The following DENND1A variants were observed in gnomAD, a reference collection of about 807,000 sequenced individuals.
DENND1A encodes DENN domain containing 1A.
A neutral mutation model predicts 113.7 loss-of-function variants in DENND1A; 51 were observed. The ratio of observed to expected loss-of-function variants is 0.45; its 90% CI spans 0.36 to 0.57. The LOEUF (loss-of-function observed/expected upper bound fraction) is 0.57. Ranked by LOEUF, DENND1A falls within the 20% of genes least tolerant of loss-of-function variation. DENND1A has a pLI of 0.00. For missense variants in DENND1A, 1,258 were observed against 1,395.9 expected, an observed-to-expected ratio of 0.90 and a Z score of 1.57; for synonymous variants, 565 against 570.8, an observed-to-expected ratio of 0.99 and a Z score of 0.14.
chr9:123,397,180 A>G (rs1480514969), intron 21 of DENND1A, among the ~76,000 whole-genome samples: 1 of 151,818 alleles, frequency 6.6e-6, no homozygotes, highest in Non-Finnish European at 1.5e-5. Context: ...TTTTTTTTAG[A>G]GTCTCACTCT....
rs569643438 is a variant in DENND1A, at chr9:123,590,515, G to A, written c.766-7245C>T. 5.3e-5 allele frequency among the ~76,000 whole-genome samples: 8 copies of A among 152,234 alleles called. No homozygotes were observed. The South Asian group carries it at 6.2e-4, about 12-fold the overall frequency. On this transcript the variant is annotated intron_variant, in intron 11 of 23. Transcript: ENST00000394215. ...CCTTGATAAATGGGGGATGATAACCGTACCTACCTCACAGATTTGTGAGGA... is the reference window on the plus strand; with the variant it reads ...CCTTGATAAATGGGGGATGATAACCATACCTACCTCACAGATTTGTGAGGA...
At chr9:123,414,236 C>G in intron 19 of DENND1A, 1 of 1,228,172 alleles carries the variant, frequency 8.1e-7, no homozygotes, top group South Asian at 2.0e-5. Flanking sequence ...ACTGCCTACC[C>G]GAGTGTCCTG....
At chr9:123,817,817 A>C (rs1051196209) in intron 2 of DENND1A, among the ~76,000 whole-genome samples, 1 of 152,110 alleles carries the variant, frequency 6.6e-6, no homozygotes, top group Non-Finnish European at 1.5e-5. Flanking sequence ...ACCTGAGGTC[A>C]GGAATTCGAG....
chr9:123,848,228 T>TAAAAAAAAAAAAAAA (rs375535777), intron 2 of DENND1A, among the ~76,000 whole-genome samples: 1 of 60,520 alleles, frequency 1.7e-5, no homozygotes, highest in Admixed American at 2.3e-4. Flanking sequence ...GATACTGCTT[T>TAAAAAAAAAAAAAAA]AAAAAAAAAA....
At chr9:123,557,969 G>A (rs1417963962) in intron 12 of DENND1A, among the ~76,000 whole-genome samples, 1 of 151,346 alleles carries the variant, frequency 6.6e-6, no homozygotes, top group Non-Finnish European at 1.5e-5. Flanking sequence ...TCCAGCCTGG[G>A]CGACAGAGAG....
At chr9:123,738,050 C>A (rs975159131) in intron 5 of DENND1A, among the ~76,000 whole-genome samples, 4 of 152,156 alleles carry the variant, frequency 2.6e-5, no homozygotes, top group Non-Finnish European at 4.4e-5. Context: ...AAGAGAAACG[C>A]TATCCTGAAT....
At chr9:123,534,473 G>C (rs924942869) in intron 13 of DENND1A, among the ~76,000 whole-genome samples, 6 of 152,150 alleles carry the variant, frequency 3.9e-5, no homozygotes, top group Non-Finnish European at 7.4e-5. Flanking sequence ...ATTGCTTCCA[G>C]TTTTTTGCTG....
intron 9 of DENND1A, among the ~76,000 whole-genome samples, chr9:123,640,372 G>C (rs571265568): frequency 6.6e-6 from 1 of 152,182 alleles, no homozygotes; most frequent in African/African-American, 2.4e-5. Flanking sequence ...GGCCAGTCAG[G>C]GGGTAAGGGT....
intron 13 of DENND1A, among the ~76,000 whole-genome samples, chr9:123,517,434 A>G (rs531963421): frequency 2.2e-4 from 34 of 152,232 alleles, no homozygotes; most frequent in Non-Finnish European, 4.0e-4. Context: ...AGCCTGGCTA[A>G]CATGGTGAAA....
intron 13 of DENND1A, among the ~76,000 whole-genome samples, chr9:123,548,325 G>T (rs2056836354): frequency 6.6e-6 from 1 of 152,162 alleles, no homozygotes; most frequent in African/African-American, 2.4e-5. Flanking sequence ...CAATGAATCT[G>T]CTTAGCTCCG....
At chr9:123,501,439 T>C (rs930200400) in intron 13 of DENND1A, among the ~76,000 whole-genome samples, 1 of 152,174 alleles carries the variant, frequency 6.6e-6, no homozygotes, top group African/African-American at 2.4e-5. Flanking sequence ...AGATATCTCT[T>C]TGAGACCCTC....
chr9:123,765,422 C>G (rs1828629231), intron 4 of DENND1A, among the ~76,000 whole-genome samples: 1 of 152,152 alleles, frequency 6.6e-6, no homozygotes, highest in East Asian at 1.9e-4. Context: ...TGGCACAAAA[C>G]AGATGCCCAA....
intron 7 of DENND1A, among the ~76,000 whole-genome samples, chr9:123,670,290 GC>G (rs1285697132): frequency 6.6e-6 from 1 of 152,062 alleles, no homozygotes; most frequent in Non-Finnish European, 1.5e-5. Flanking sequence ...AAATTTTCAG[GC>G]CCCATGACAT....
intron 13 of DENND1A, among the ~76,000 whole-genome samples, chr9:123,555,478 C>G (rs533242135): frequency 2.0e-5 from 3 of 152,326 alleles, no homozygotes; most frequent in African/African-American, 4.8e-5. Context: ...GTCTCCAAGC[C>G]TTTGCTTCCT....
intron 6 of DENND1A, among the ~76,000 whole-genome samples, chr9:123,675,645 T>C (rs1437637544): frequency 2.0e-5 from 3 of 152,184 alleles, no homozygotes; most frequent in African/African-American, 7.2e-5. Flanking sequence ...TAGACAAATA[T>C]CCAACTCATT....
chr9:123,755,559 C>T (rs2070465978), intron 5 of DENND1A, among the ~76,000 whole-genome samples: 1 of 151,836 alleles, frequency 6.6e-6, no homozygotes, highest in African/African-American at 2.4e-5. Flanking sequence ...ACGTGCCTGG[C>T]CAATATGTGG....
chr9:123,617,543 G>A (rs1024940171), intron 10 of DENND1A, among the ~76,000 whole-genome samples: 2 of 152,180 alleles, frequency 1.3e-5, no homozygotes, highest in Non-Finnish European at 2.9e-5. Flanking sequence ...CAACAGAAAT[G>A]AACACATGAG....
At chr9:123,530,137 A>G (rs776697395) in intron 13 of DENND1A, among the ~76,000 whole-genome samples, 39 of 152,192 alleles carry the variant, frequency 2.6e-4, no homozygotes, top group Non-Finnish European at 5.3e-4. Context: ...TAAAAAAACA[A>G]AAAACTAGCC....
Position 123,403,422 on chromosome 9 carries a change from C to CG in DENND1A, c.1610dup (p.Ser538ValfsTer6). On this transcript the variant is annotated frameshift_variant, in exon 21 of 24. Coordinates refer to ENST00000394215, the MANE Select transcript of DENND1A (RefSeq NM_001352964.2). LOFTEE classifies it high-confidence loss of function. ...CTCACTGCTCAGGGCTCGGCACAGA[C>CG]GTCCTCCGGCCTTCCACTGCGATGT... The CG allele has an allele frequency of 6.2e-7, 1 of 1,614,124 alleles. No homozygotes were observed. Among genetic ancestry groups the CG allele is most frequent in the Non-Finnish European group, 8.5e-7 (1 of 1,180,012 alleles).
Sources: gnomAD v4.1 joint callset for allele counts (sites outside exome capture counted in the v4.1 genomes callset) on GRCh38, gnomAD v4.1.1 for gene constraint, MANE v1.5 for transcripts, NCBI Gene and HGNC (gene_info 2026-07-23, HGNC 2026-07-21) for gene names.